NFATC1: variants seen among roughly 807,000 people sequenced by gnomAD.
NFATC1 encodes nuclear factor of activated T cells 1, also known as nuclear factor of activated T-cells, cytoplasmic 1.
A neutral mutation model predicts 76.0 loss-of-function variants in NFATC1; 22 were observed. The observed-to-expected ratio is 0.29, with a 90% CI of 0.21 to 0.41. NFATC1 has a LOEUF of 0.41. Among genes scored for constraint, NFATC1 ranks in the 10% least tolerant of loss-of-function variants. NFATC1 has a pLI of 1.00. For missense variants in NFATC1, 1,357 were observed against 1,337.7 expected, an observed-to-expected ratio of 1.01 and a Z score of -0.23; for synonymous variants, 704 against 613.1, an observed-to-expected ratio of 1.15 and a Z score of -2.19.
intron 9 of NFATC1, among the ~76,000 whole-genome samples, chr18:79,523,115 C>T (rs987273642): frequency 2.6e-5 from 4 of 152,210 alleles, no homozygotes; most frequent in Non-Finnish European, 5.9e-5. Context: ...GGGGCTGTTG[C>T]AAGGAGCAAG....
chr18:79,439,759 G>A (rs111833747), intron 3 of NFATC1, among the ~76,000 whole-genome samples: 1,706 of 152,276 alleles, frequency 0.011, 25 homozygotes, highest in Non-Finnish European at 0.017. Flanking sequence ...TGATGAACGA[G>A]GATTCACCAT....
intron 8 of NFATC1, among the ~76,000 whole-genome samples, chr18:79,478,268 A>T (rs114174009): frequency 6.6e-6 from 1 of 151,898 alleles, no homozygotes; most frequent in Admixed American, 6.6e-5. Context: ...TTATTCTCAG[A>T]TCTTGTCACC....
chr18:79,527,515 T>C lies in NFATC1; in HGVS notation c.2783-13T>C. The C allele has an allele frequency of 2.5e-6, 4 of 1,611,764 alleles. No individual in the cohort carries two copies. The highest frequency in any genetic ancestry group is 3.4e-6 in the Non-Finnish European group (4 of 1,177,994). On this transcript the variant is annotated splice_polypyrimidine_tract_variant and intron_variant, in intron 9 of 9. Coordinates refer to ENST00000427363, the MANE Select transcript of NFATC1 (RefSeq NM_001278669.2). Reference sequence around the variant, plus strand: ...ATTTCTCTAATACTTTCTCAATTTTTCTTTTCTTACAGTAAATGAAATAAT... The same window carrying C: ...ATTTCTCTAATACTTTCTCAATTTTCCTTTTCTTACAGTAAATGAAATAAT...
At position 79,448,931 on chromosome 18, in the gene NFATC1, C is replaced by T; in HGVS notation, c.1536C>T (p.Ser512=). Residue 512 remains serine (S), a synonymous_variant, in exon 4 of 10, where the codon TCC becomes TCT. Transcript: ENST00000427363. ...CCACCAGCCACGAGGCCATCCTCTC[C>T]AACACCAAAGTCCTGGAGATCCCAC... The part of the protein sequence containing the change: ...VSTTSHEAIL[S]NTKVLEIPLL... The T allele has an allele frequency of 1.9e-6, 3 of 1,613,764 alleles. No homozygotes were observed. Among genetic ancestry groups the T allele is most frequent in the Non-Finnish European group, 2.5e-6 (3 of 1,180,032 alleles).
intron 1 of NFATC1, among the ~76,000 whole-genome samples, chr18:79,396,993 G>A (rs2085028365): frequency 6.6e-6 from 1 of 152,304 alleles, no homozygotes; most frequent in South Asian, 2.1e-4. Context: ...GATGTTTCAG[G>A]CAAGTTTGAA....
chr18:79,495,247 GTGCCCGCTCCTGTGAGCTGCCCAC>G (rs964873809), intron 9 of NFATC1, among the ~76,000 whole-genome samples: 2 of 152,266 alleles, frequency 1.3e-5, no homozygotes, highest in African/African-American at 4.8e-5. Flanking sequence ...GAAAGGAGAG[GTGCCCGCTCCTGTGAGCTGCCCAC>G]GGGCTGCTCC....
chr18:79,464,257 T>C (rs572159981), intron 7 of NFATC1, among the ~76,000 whole-genome samples: 1 of 152,146 alleles, frequency 6.6e-6, no homozygotes, highest in Admixed American at 6.5e-5. Context: ...GCCTGGCTAA[T>C]GTTTTTGTAT....
At chr18:79,400,763 A>G (rs1460841260) in intron 1 of NFATC1, among the ~76,000 whole-genome samples, 2 of 15,336 alleles carry the variant, frequency 1.3e-4, no homozygotes, top group Non-Finnish European at 2.2e-4. Flanking sequence ...AGAGGCGGAG[A>G]AGCCCCAGCT....
At chr18:79,455,277 C>T (rs954493119) in intron 6 of NFATC1, among the ~76,000 whole-genome samples, 10 of 152,232 alleles carry the variant, frequency 6.6e-5, no homozygotes, top group East Asian at 3.9e-4. Context: ...CGTTTGCCAG[C>T]GATCGCGCAG....
chr18:79,405,070 C>G (rs1258712894), intron 1 of NFATC1, among the ~76,000 whole-genome samples: 5 of 152,282 alleles, frequency 3.3e-5, no homozygotes, highest in African/African-American at 9.6e-5. Context: ...GCCTGAGAGC[C>G]GGGTGCTCCC....
chr18:79,459,788 A>C (rs2087961783), intron 6 of NFATC1, among the ~76,000 whole-genome samples: 1 of 152,136 alleles, frequency 6.6e-6, no homozygotes, highest in African/African-American at 2.4e-5. Context: ...AAACAACCAG[A>C]AGACTTAGTT....
At chr18:79,471,757 C>G (rs1230676080) in intron 8 of NFATC1, among the ~76,000 whole-genome samples, 3 of 152,248 alleles carry the variant, frequency 2.0e-5, no homozygotes, top group African/African-American at 7.2e-5. Context: ...ACAGCTTTGA[C>G]CACAGAACGT....
intron 2 of NFATC1, among the ~76,000 whole-genome samples, chr18:79,423,176 A>G (rs555016988): frequency 2.6e-5 from 4 of 152,174 alleles, no homozygotes; most frequent in South Asian, 2.1e-4. Flanking sequence ...TCGTACTCCA[A>G]TCCCGTGTGG....
intron 4 of NFATC1, among the ~76,000 whole-genome samples, chr18:79,450,541 C>G (rs1173181568): frequency 6.6e-6 from 1 of 152,034 alleles, no homozygotes; most frequent in Non-Finnish European, 1.5e-5. Context: ...GCCTCTGGCC[C>G]CTCCCCTGGG....
chr18:79,528,203 T>C lies in NFATC1; in HGVS notation c.*626T>C, dbSNP rs2090818218. 3 of 350,500 alleles carry C rather than the reference T, an allele frequency of 8.6e-6. No individual in the cohort carries two copies. Among genetic ancestry groups the C allele is most frequent in the Admixed American group, 4.7e-5 (1 of 21,084 alleles). The allele number at this position is 350,500 out of a possible 1,614,324, so 21.7% of individuals were successfully genotyped here. On this transcript the variant is annotated 3_prime_UTR_variant, in exon 10 of 10. Coordinates refer to ENST00000427363, the MANE Select transcript of NFATC1 (RefSeq NM_001278669.2). Reference sequence around the variant, plus strand: ...TCATCTCAGCTCTTTTGTAACATGCTTCCCTTGTCTGCGCGGTTGAAACCG... The same window carrying C: ...TCATCTCAGCTCTTTTGTAACATGCCTCCCTTGTCTGCGCGGTTGAAACCG...
chr18:79,498,068 G>A (rs777226959), intron 9 of NFATC1: 2 of 18,648 alleles, frequency 1.1e-4, no homozygotes, highest in East Asian at 1.3e-3. Flanking sequence ...GAGGGGGATG[G>A]GGGGGGGGGA....
In NFATC1 at chr18:79,485,798, G is replaced by A. The variant is rs149413773; in HGVS notation, c.2093-450G>A. Reference sequence around the variant, plus strand: ...GGACGGCTTCTCTCCTGGAGCAGTCGTTCACCTTTGCAGTTGGATTTTTAC... The same window carrying A: ...GGACGGCTTCTCTCCTGGAGCAGTCATTCACCTTTGCAGTTGGATTTTTAC... On this transcript the variant is annotated intron_variant, in intron 8 of 9. Coordinates refer to ENST00000427363, the MANE Select transcript of NFATC1 (RefSeq NM_001278669.2). 9.5e-3 allele frequency among the ~76,000 whole-genome samples: 1,452 copies of A among 152,336 alleles called. 27 individuals carry two copies. The highest frequency in any genetic ancestry group is 0.03 in the African/African-American group (1,241 of 41,568).
At chr18:79,397,825 G>A (rs950493452) in intron 1 of NFATC1, among the ~76,000 whole-genome samples, 2 of 152,180 alleles carry the variant, frequency 1.3e-5, no homozygotes, top group Non-Finnish European at 2.9e-5. Flanking sequence ...CGGGGCAGTG[G>A]CTAGTTTTCG....
At chr18:79,499,135 A>G (rs1407036790) in intron 9 of NFATC1, among the ~76,000 whole-genome samples, 2 of 152,266 alleles carry the variant, frequency 1.3e-5, no homozygotes, top group Non-Finnish European at 2.9e-5. Context: ...AGGAAACTGC[A>G]TAAGACACGA....
Sources: gnomAD v4.1 joint callset for allele counts (sites outside exome capture counted in the v4.1 genomes callset) on GRCh38, gnomAD v4.1.1 for gene constraint, MANE v1.5 for transcripts, NCBI Gene and HGNC (gene_info 2026-07-23, HGNC 2026-07-21) for gene names.